The following ACYP2 variants were observed in gnomAD, a reference collection of about 807,000 sequenced individuals.
ACYP2 encodes the protein acylphosphatase-2.
A neutral mutation model predicts 11.2 loss-of-function variants in ACYP2; 12 were observed. That is an observed-to-expected ratio of 1.08 (90% CI 0.69 to 1.74). The LOEUF is 1.74. Ranked by LOEUF, ACYP2 falls within the 40% of genes most tolerant of loss-of-function variation. The probability of loss-of-function intolerance (pLI) is 0.00; values close to 1 mark genes in which losing one functional copy is unlikely to be tolerated. For synonymous variants in ACYP2, 43 were observed against 32.2 expected (o/e 1.33, Z -1.13); for missense variants, 134 against 101.9 (o/e 1.31, Z -1.35).
At chr2:54,155,284 C>T (rs1682377978) in intron 6 of ACYP2, among the ~76,000 whole-genome samples, 1 of 152,036 alleles carries the variant, frequency 6.6e-6, no homozygotes, top group Admixed American at 6.6e-5. Context: ...TTTTTCTAGT[C>T]TCTATTTTAT....
intron 2 of ACYP2, among the ~76,000 whole-genome samples, chr2:54,004,005 A>G (rs1672931368): frequency 6.6e-6 from 1 of 150,744 alleles, no homozygotes; most frequent in African/African-American, 2.4e-5. Flanking sequence ...TTTTTCTGAG[A>G]TGGAGTCTTG....
rs540141288 is a variant in ACYP2, at chr2:54,231,122, G to A, written c.405-73566G>A. On this transcript the variant is annotated intron_variant, in intron 6 of 6. Transcript: ENST00000607452. ...CTGGGATTACAAATGTGGAGCCACC[G>A]CGCCCGGCCAAACCAATGTGTTTCT... Among the ~76,000 whole-genome samples, 189 of 152,126 alleles carry A rather than the reference G, an allele frequency of 1.2e-3. 1 individual carries two copies. Among genetic ancestry groups the A allele is most frequent in the Middle Eastern group, 3.4e-3 (1 of 294 alleles).
At chr2:54,207,552 A>C (rs1572936530) in intron 6 of ACYP2, among the ~76,000 whole-genome samples, 1 of 152,198 alleles carries the variant, frequency 6.6e-6, no homozygotes. Context: ...ACAATTAAGC[A>C]CCATAGTCTA....
intron 6 of ACYP2, among the ~76,000 whole-genome samples, chr2:54,217,897 T>A (rs998126660): frequency 6.6e-6 from 1 of 152,220 alleles, no homozygotes; most frequent in Non-Finnish European, 1.5e-5. Context: ...AGATTAAGTA[T>A]GGCTCCACAT....
intron 6 of ACYP2, among the ~76,000 whole-genome samples, chr2:54,286,596 A>T (rs1352635669): frequency 6.6e-6 from 1 of 152,082 alleles, no homozygotes; most frequent in African/African-American, 2.4e-5. Flanking sequence ...TTGGTAGAAA[A>T]GATGATCCGT....
intron 6 of ACYP2, among the ~76,000 whole-genome samples, chr2:54,224,396 A>T (rs1316261027): frequency 6.6e-6 from 1 of 152,202 alleles, no homozygotes; most frequent in African/African-American, 2.4e-5. Flanking sequence ...TTGTCCCCCT[A>T]CCCAAAGGTG....
chr2:54,197,661 T>C (rs1411726221), intron 6 of ACYP2, among the ~76,000 whole-genome samples: 2 of 152,034 alleles, frequency 1.3e-5, no homozygotes, highest in African/African-American at 4.8e-5. Context: ...GTAAAGGCAT[T>C]CTAGGCAGAG....
intron 6 of ACYP2, among the ~76,000 whole-genome samples, chr2:54,209,359 T>C (rs145862118): frequency 8.8e-4 from 134 of 152,310 alleles, no homozygotes; most frequent in Admixed American, 3.3e-3. Context: ...TTGAATACCC[T>C]GTCCATCCTA....
Position 54,155,181 on chromosome 2 carries a change from C to CT in ACYP2, c.404+16441dup, listed in dbSNP as rs200720491. On this transcript the variant is annotated intron_variant, in intron 6 of 6. Transcript: ENST00000607452. ...CATTTTATTTATTTGAATCTTTTCACTTTTTTTTCTAGGTTAACCTAACTG... is the reference window on the plus strand; with the variant it reads ...CATTTTATTTATTTGAATCTTTTCACTTTTTTTTTCTAGGTTAACCTAACTG... Among the ~76,000 whole-genome samples, 740 of 151,840 alleles carry CT rather than the reference C, an allele frequency of 4.9e-3. 7 individuals are homozygous for CT. The highest frequency in any genetic ancestry group is 0.017 in the African/African-American group (711 of 41,426).
chr2:54,042,217 G>C (rs529156502), intron 2 of ACYP2, among the ~76,000 whole-genome samples: 1 of 152,264 alleles, frequency 6.6e-6, no homozygotes, highest in South Asian at 2.1e-4. Flanking sequence ...TGTTGGTCAG[G>C]CTGGTCTCGA....
intron 6 of ACYP2, among the ~76,000 whole-genome samples, chr2:54,233,191 T>C (rs1686318441): frequency 6.6e-6 from 1 of 152,116 alleles, no homozygotes. Context: ...TAATGGCATA[T>C]AATAAACTGC....
At chr2:54,141,354 G>A (rs1046153509) in intron 6 of ACYP2, among the ~76,000 whole-genome samples, 4 of 152,072 alleles carry the variant, frequency 2.6e-5, no homozygotes, top group Non-Finnish European at 4.4e-5. Context: ...GATTGTAAGT[G>A]TTGTCGCCCA....
intron 6 of ACYP2, among the ~76,000 whole-genome samples, chr2:54,207,205 G>GTGTGTGTGTGTA (rs1491080834): frequency 1.3e-5 from 2 of 150,566 alleles, no homozygotes; most frequent in Non-Finnish European, 3.0e-5. Flanking sequence ...GTGTGTGTGT[G>GTGTGTGTGTGTA]TATAAAGAGA....
At chr2:54,069,171 T>G (rs1016862586) in intron 4 of ACYP2, among the ~76,000 whole-genome samples, 1 of 152,108 alleles carries the variant, frequency 6.6e-6, no homozygotes, top group African/African-American at 2.4e-5. Flanking sequence ...CCTCAAACAA[T>G]CCGCCTGCCC....
intron 2 of ACYP2, among the ~76,000 whole-genome samples, chr2:53,990,695 T>C (rs1273957390): frequency 6.6e-6 from 1 of 151,004 alleles, no homozygotes; most frequent in African/African-American, 2.4e-5. Flanking sequence ...AATCCTCACT[T>C]TCAGCAAATT....
intron 1 of ACYP2, chr2:53,973,644 C>G (rs1051323186): frequency 3.9e-5 from 8 of 205,010 alleles, no homozygotes; most frequent in Admixed American, 1.8e-4. Flanking sequence ...GCACTTAACT[C>G]CACCACCTAT....
intron 6 of ACYP2, chr2:54,255,646 T>C (rs1324625258): frequency 6.2e-7 from 1 of 1,613,760 alleles, no homozygotes; most frequent in South Asian, 1.1e-5. Context: ...GTCCATTTCT[T>C]CGCCTCCTGG....
chr2:54,166,067 A>G (rs147852370), intron 6 of ACYP2, among the ~76,000 whole-genome samples: 41 of 152,286 alleles, frequency 2.7e-4, no homozygotes, highest in African/African-American at 8.7e-4. Context: ...ACCCTGGTCC[A>G]TTGGCTTAGT....
At chr2:54,025,430 A>G (rs1402123679) in intron 2 of ACYP2, among the ~76,000 whole-genome samples, 1 of 152,200 alleles carries the variant, frequency 6.6e-6, no homozygotes, top group Admixed American at 6.5e-5. Context: ...CCAAGTACTT[A>G]CAGCCAACTG....
Sources: gnomAD v4.1 joint callset for allele counts (sites outside exome capture counted in the v4.1 genomes callset) on GRCh38, gnomAD v4.1.1 for gene constraint, MANE v1.5 for transcripts, NCBI Gene and HGNC (gene_info 2026-07-23, HGNC 2026-07-21) for gene names.